Variants in TAF2 observed in about 807,000 individuals in gnomAD.
TAF2 encodes the protein TATA-box binding protein associated factor 2.
TAF2 carries 61 observed loss-of-function variants against 138.5 expected under a neutral mutation model. The ratio of observed to expected loss-of-function variants is 0.44; its 90% CI spans 0.36 to 0.54. TAF2 has a LOEUF of 0.54. Among genes scored for constraint, TAF2 ranks in the 20% least tolerant of loss-of-function variants. TAF2 has a pLI of 0.00. For missense variants in TAF2, 1,090 were observed against 1,427.9 expected (o/e 0.76, Z 3.81); for synonymous variants, 475 against 469.9 (o/e 1.01, Z -0.14).
chr8:119,757,819 C>A (rs1039855056), intron 21 of TAF2, among the ~76,000 whole-genome samples: 7 of 152,004 alleles, frequency 4.6e-5, no homozygotes, highest in African/African-American at 1.7e-4. Context: ...TCGCTTGAAC[C>A]CAGGAGGCGG....
chr8:119,744,505 A>T (rs1268284419), intron 23 of TAF2, 112 bp from the exon 24 acceptor site: 2 of 841,098 alleles, frequency 2.4e-6, no homozygotes, highest in Non-Finnish European at 4.0e-6. Context: ...ACCCCCATAT[A>T]ATCTTAAAAT....
chr8:119,826,432 C>A (rs1826104278), intron 2 of TAF2, among the ~76,000 whole-genome samples: 2 of 152,186 alleles, frequency 1.3e-5, no homozygotes, highest in African/African-American at 4.8e-5. Context: ...CATTAAACCA[C>A]TGTCCTTTGT....
chr8:119,744,453 A>C, intron 23 of TAF2, 60 bp from the exon 24 acceptor site: 2 of 1,443,312 alleles, frequency 1.4e-6, no homozygotes, highest in Non-Finnish European at 1.9e-6. Context: ...TTATGTTTGG[A>C]TATTAGCTCT....
At chr8:119,790,502 T>C (rs780587590) in intron 11 of TAF2, among the ~76,000 whole-genome samples, 3 of 151,988 alleles carry the variant, frequency 2.0e-5, no homozygotes, top group South Asian at 2.1e-4. Flanking sequence ...AACTGAACTT[T>C]ACAGCAAACT....
intron 2 of TAF2, among the ~76,000 whole-genome samples, chr8:119,824,925 C>T (rs748120604): frequency 1.3e-5 from 2 of 152,208 alleles, no homozygotes; most frequent in Non-Finnish European, 2.9e-5. Context: ...CTCTCCTAGG[C>T]CAGTGCAGAA....
chr8:119,813,876 G>A (rs1334671838), intron 3 of TAF2, among the ~76,000 whole-genome samples: 1 of 152,164 alleles, frequency 6.6e-6, no homozygotes, highest in Non-Finnish European at 1.5e-5. Context: ...AGCACTTTGG[G>A]AGACCAAGGC....
At chr8:119,816,562 T>C (rs1327669617) in intron 3 of TAF2, among the ~76,000 whole-genome samples, 1 of 152,228 alleles carries the variant, frequency 6.6e-6, no homozygotes, top group African/African-American at 2.4e-5. Flanking sequence ...GTTTTAGCTT[T>C]ATTGGTTCAT....
At chr8:119,750,926 T>G (rs1314122956) in intron 22 of TAF2, among the ~76,000 whole-genome samples, 2 of 152,142 alleles carry the variant, frequency 1.3e-5, no homozygotes, top group Admixed American at 1.3e-4. Flanking sequence ...TAAAGGTCAA[T>G]GTGGAAGCAA....
intron 7 of TAF2, 49 bp from the exon 8 acceptor site, chr8:119,797,152 T>C (rs1366560487): frequency 7.9e-7 from 1 of 1,257,960 alleles, no homozygotes; most frequent in Non-Finnish European, 1.2e-6. Context: ...AAATAAATAC[T>C]TATTCAGTGA....
intron 3 of TAF2, among the ~76,000 whole-genome samples, chr8:119,818,177 T>C (rs1206580369): frequency 6.6e-6 from 1 of 152,232 alleles, no homozygotes; most frequent in Non-Finnish European, 1.5e-5. Flanking sequence ...TCGGTCTGTA[T>C]CAGAATCACC....
chr8:119,783,245 T>C, intron 16 of TAF2, 136 bp downstream of exon 16: 1 of 1,015,634 alleles, frequency 9.8e-7, no homozygotes, highest in Non-Finnish European at 1.4e-6. Context: ...TCCTATTAAT[T>C]TAAAAGCACT....
intron 9 of TAF2, among the ~76,000 whole-genome samples, chr8:119,794,199 C>A (rs951287247): frequency 1.3e-5 from 2 of 152,036 alleles, no homozygotes; most frequent in Non-Finnish European, 2.9e-5. Flanking sequence ...AGTTCGAGAC[C>A]ATCCTGGCCA....
At chr8:119,750,715 T>C (rs187272983) in intron 22 of TAF2, among the ~76,000 whole-genome samples, 128 of 152,324 alleles carry the variant, frequency 8.4e-4, no homozygotes, top group Non-Finnish European at 1.1e-3. Context: ...AACCTTCTGA[T>C]GTTAATATCA....
intron 2 of TAF2, among the ~76,000 whole-genome samples, chr8:119,824,109 G>T (rs953139485): frequency 6.6e-6 from 1 of 152,076 alleles, no homozygotes; most frequent in East Asian, 1.9e-4. Flanking sequence ...ATAAAAGTGT[G>T]GAAAATTTGC....
intron 18 of TAF2, among the ~76,000 whole-genome samples, chr8:119,772,281 A>G (rs981297408): frequency 5.3e-5 from 8 of 152,352 alleles, no homozygotes; most frequent in African/African-American, 1.9e-4. Flanking sequence ...GTCACAAAAA[A>G]GAACAAAATA....
intron 22 of TAF2, among the ~76,000 whole-genome samples, chr8:119,749,360 C>T (rs994331321): frequency 2.6e-5 from 4 of 152,026 alleles, no homozygotes; most frequent in African/African-American, 9.7e-5. Flanking sequence ...TGTTTTCTGT[C>T]TTCTAAAAAT....
At chr8:119,736,867 G>A (rs565322557) in intron 25 of TAF2, among the ~76,000 whole-genome samples, 1 of 152,106 alleles carries the variant, frequency 6.6e-6, no homozygotes, top group African/African-American at 2.4e-5. Context: ...AGAAACTAGA[G>A]AACTTAACAT....
chr8:119,783,585 TA>T lies in TAF2; in HGVS notation c.1907del (p.Val636AspfsTer2), dbSNP rs1822822390. Reference sequence around the variant, plus strand: ...CTTGCTCAAATTCTACCTTCCTCAATACTGACATATCTGGGTCTATCCTTAT... The same window carrying T: ...CTTGCTCAAATTCTACCTTCCTCAATCTGACATATCTGGGTCTATCCTTAT... ...LWIRIDPDMS[V>X]LRKVEFEQAD... On this transcript the variant is annotated frameshift_variant, in exon 16 of 26. Transcript: ENST00000378164. LOFTEE classifies it high-confidence loss of function. 1 of 1,614,188 alleles carries T rather than the reference TA, an allele frequency of 6.2e-7. No homozygotes were observed. Among genetic ancestry groups the T allele is most frequent in the African/African-American group, 1.3e-5 (1 of 75,072 alleles).
At chr8:119,780,522 C>A (rs1822566550) in intron 17 of TAF2, among the ~76,000 whole-genome samples, 1 of 152,080 alleles carries the variant, frequency 6.6e-6, no homozygotes, top group African/African-American at 2.4e-5. Context: ...CCCAGGTAAC[C>A]AACCAAAAAG....
Sources: gnomAD v4.1 joint callset for allele counts (sites outside exome capture counted in the v4.1 genomes callset) on GRCh38, gnomAD v4.1.1 for gene constraint, MANE v1.5 for transcripts, NCBI Gene and HGNC (gene_info 2026-07-23, HGNC 2026-07-21) for gene names.